Variants in RTN1 observed in about 807,000 individuals in gnomAD.
The protein encoded by RTN1 is reticulon 1, also known as reticulon-1.
RTN1 carries 25 observed loss-of-function variants against 65.5 expected under a neutral mutation model. That is an observed-to-expected ratio of 0.38 (90% CI 0.28 to 0.53). The LOEUF is 0.53. RTN1 is among the 20% of genes least tolerant of loss of function. The probability of loss-of-function intolerance (pLI) is 0.79; values close to 1 mark genes in which losing one functional copy is unlikely to be tolerated. For missense variants in RTN1, 983 were observed against 1,025.4 expected, an observed-to-expected ratio of 0.96 and a Z score of 0.57; for synonymous variants, 471 against 447.6, an observed-to-expected ratio of 1.05 and a Z score of -0.66.
intron 3 of RTN1, among the ~76,000 whole-genome samples, chr14:59,688,002 C>T (rs1159896591): frequency 1.3e-5 from 2 of 152,156 alleles, no homozygotes; most frequent in Non-Finnish European, 2.9e-5. Context: ...AAGGGGCACC[C>T]TCTGTGCTCT....
chr14:59,759,520 T>C (rs894070785), intron 1 of RTN1, among the ~76,000 whole-genome samples: 1 of 152,216 alleles, frequency 6.6e-6, no homozygotes, highest in Non-Finnish European at 1.5e-5. Flanking sequence ...GGCTCATTAT[T>C]ATTTTTAAAA....
At chr14:59,671,565 A>C (rs1372627392) in intron 3 of RTN1, among the ~76,000 whole-genome samples, 1 of 152,222 alleles carries the variant, frequency 6.6e-6, no homozygotes, top group Non-Finnish European at 1.5e-5. Flanking sequence ...AAGGGCTGCT[A>C]ATACTCAACC....
chr14:59,861,198 G>T (rs1887703448), intron 1 of RTN1, among the ~76,000 whole-genome samples: 1 of 152,166 alleles, frequency 6.6e-6, no homozygotes, highest in African/African-American at 2.4e-5. Context: ...CCCAGCGGGA[G>T]GTAATTGAAT....
intron 3 of RTN1, among the ~76,000 whole-genome samples, chr14:59,638,384 T>C (rs1164550804): frequency 1.3e-5 from 2 of 152,336 alleles, no homozygotes; most frequent in Non-Finnish European, 2.9e-5. Flanking sequence ...CAGTAAACTA[T>C]GCTGTAAACA....
chr14:59,605,264 T>C (rs1881705850), intron 5 of RTN1, 104 bp downstream of exon 5: 1 of 1,245,390 alleles, frequency 8.0e-7, no homozygotes, highest in East Asian at 2.4e-5. Flanking sequence ...TAGAATATAA[T>C]TAGCACTTGC....
intron 1 of RTN1, among the ~76,000 whole-genome samples, chr14:59,751,566 A>C (rs1242731670): frequency 3.3e-5 from 5 of 152,188 alleles, no homozygotes; most frequent in African/African-American, 1.2e-4. Flanking sequence ...GGGTTTGTCC[A>C]TATAAATGAA....
In RTN1 at chr14:59,865,696, T is replaced by G. The variant is rs115065600; in HGVS notation, c.241+4694A>C. The stretch of plus-strand genomic sequence containing the variant: ...TTTGGACCATGTTCTTTACAATGAC[T>G]TTAGCCTAGAGCATTCCTATGTAGA... On this transcript the variant is annotated intron_variant, in intron 1 of 8. Coordinates refer to ENST00000267484, the MANE Select transcript of RTN1 (RefSeq NM_021136.3). Among the ~76,000 whole-genome samples, 1,501 of 152,312 alleles carry G rather than the reference T, an allele frequency of 9.9e-3. 23 individuals are homozygous for G. Among genetic ancestry groups the G allele is most frequent in the African/African-American group, 0.034 (1,420 of 41,580 alleles).
At chr14:59,819,666 G>A (rs1230343273) in intron 1 of RTN1, among the ~76,000 whole-genome samples, 1 of 152,076 alleles carries the variant, frequency 6.6e-6, no homozygotes, top group Non-Finnish European at 1.5e-5. Flanking sequence ...GCCCGTCGGG[G>A]AGGCTGGGGG....
intron 3 of RTN1, among the ~76,000 whole-genome samples, chr14:59,701,682 G>C (rs1884181673): frequency 6.6e-6 from 1 of 152,136 alleles, no homozygotes; most frequent in Admixed American, 6.6e-5. Flanking sequence ...GGGACTGTGG[G>C]AAAGAGGGAA....
chr14:59,801,360 G>C (rs967464454), intron 1 of RTN1, among the ~76,000 whole-genome samples: 4 of 152,054 alleles, frequency 2.6e-5, no homozygotes, highest in Non-Finnish European at 5.9e-5. Flanking sequence ...CAAGGAAAAA[G>C]AATCATTACA....
chr14:59,662,818 TATC>T, intron 3 of RTN1, among the ~76,000 whole-genome samples: 1 of 152,166 alleles, frequency 6.6e-6, no homozygotes, highest in East Asian at 1.9e-4. Flanking sequence ...GAAGAATCAA[TATC>T]ATGAATATGG....
chr14:59,707,228 T>C (rs1884314290), intron 3 of RTN1, among the ~76,000 whole-genome samples: 1 of 152,230 alleles, frequency 6.6e-6, no homozygotes, highest in Non-Finnish European at 1.5e-5. Context: ...AATTAGCTAA[T>C]GACAAGGGTC....
chr14:59,700,873 C>T (rs1185701020), intron 3 of RTN1, among the ~76,000 whole-genome samples: 3 of 152,054 alleles, frequency 2.0e-5, no homozygotes, highest in African/African-American at 7.2e-5. Flanking sequence ...AATGTAACTT[C>T]ATAAAAATTA....
intron 3 of RTN1, among the ~76,000 whole-genome samples, chr14:59,663,027 C>T (rs1366179124): frequency 6.6e-6 from 1 of 152,154 alleles, no homozygotes; most frequent in Non-Finnish European, 1.5e-5. Flanking sequence ...TACTACAAGG[C>T]TACAGTAACC....
intron 2 of RTN1, among the ~76,000 whole-genome samples, chr14:59,743,075 T>C (rs1885145090): frequency 6.6e-6 from 1 of 152,228 alleles, no homozygotes; most frequent in South Asian, 2.1e-4. Flanking sequence ...TTCCTGAATA[T>C]GCCTTGCTTA....
intron 1 of RTN1, among the ~76,000 whole-genome samples, chr14:59,758,262 T>A (rs775792745): frequency 1.3e-5 from 2 of 152,136 alleles, no homozygotes; most frequent in Non-Finnish European, 2.9e-5. Context: ...CTCTTCTCAC[T>A]CTGCACTACT....
In RTN1 at chr14:59,869,580, G is replaced by C. The variant is rs901006871; in HGVS notation, c.241+810C>G. Among the ~76,000 whole-genome samples, 38 of 41,174 alleles carry C rather than the reference G, an allele frequency of 9.2e-4. 1 individual carries two copies. In the East Asian group the frequency reaches 0.045, roughly 49 times the overall value. The allele number at this position is 41,174 out of a possible 152,430, so 27.0% of individuals were successfully genotyped here. Reference sequence around the variant, plus strand: ...CCAAACCCAGGGCAATTTCCGGGGTGGGGGGGGGGGGGCGCTTAGACTGCT... The same window carrying C: ...CCAAACCCAGGGCAATTTCCGGGGTCGGGGGGGGGGGGCGCTTAGACTGCT... On this transcript the variant is annotated intron_variant, in intron 1 of 8. Transcript: ENST00000267484.
chr14:59,804,727 T>C (rs757312278), intron 1 of RTN1, among the ~76,000 whole-genome samples: 1 of 152,116 alleles, frequency 6.6e-6, no homozygotes, highest in Non-Finnish European at 1.5e-5. Context: ...CAAAACTGCA[T>C]GGGAAGTAAA....
rs77520738 is a variant in RTN1, at chr14:59,799,333, G to A, written c.242-52852C>T. Among the ~76,000 whole-genome samples, 1,467 of 152,272 alleles carry A rather than the reference G, an allele frequency of 9.6e-3. 23 individuals carry two copies. Among genetic ancestry groups the A allele is most frequent in the African/African-American group, 0.033 (1,367 of 41,538 alleles). The stretch of plus-strand genomic sequence containing the variant: ...GATGGAATTCTGCTTCTTAACAAGT[G>A]GAAAGCTTCAGGAGAACATCACTCT... On this transcript the variant is annotated intron_variant, in intron 1 of 8. Transcript: ENST00000267484.
Sources: gnomAD v4.1 joint callset for allele counts (sites outside exome capture counted in the v4.1 genomes callset) on GRCh38, gnomAD v4.1.1 for gene constraint, MANE v1.5 for transcripts, NCBI Gene and HGNC (gene_info 2026-07-23, HGNC 2026-07-21) for gene names.